Variants in PABIR3 observed in about 807,000 individuals in gnomAD.
The protein encoded by PABIR3 is PABIR family member 3, also known as PABIR family member 1.
In PABIR3, 20 loss-of-function variants were observed where a neutral mutation model predicts 23.1. The observed-to-expected ratio is 0.86, with a 90% confidence interval of 0.61 to 1.26. The LOEUF (loss-of-function observed/expected upper bound fraction) is 1.26. Ranked by LOEUF, PABIR3 falls within the 50% of genes most tolerant of loss-of-function variation. The pLI is 0.00. For missense variants in PABIR3, 189 were observed against 195.4 expected (o/e 0.97, Z 0.20); for synonymous variants, 69 against 68.5 (o/e 1.01, Z -0.04).
chrX:134,857,211 C>CA (rs1303222434), downstream of PABIR3, among the ~76,000 whole-genome samples: 2 of 111,448 alleles, frequency 1.8e-5, no homozygotes, highest in Non-Finnish European at 3.8e-5. Context: ...ATCAAGGAGT[C>CA]ACCTGGGTTG....
intron 4 of PABIR3, among the ~76,000 whole-genome samples, chrX:134,833,883 T>C (rs2081891334): frequency 8.9e-6 from 1 of 112,295 alleles, no homozygotes; most frequent in Admixed American, 9.5e-5. Flanking sequence ...TTCCATGGTG[T>C]ATATGTACCA....
At chrX:134,811,576 C>T (rs759915438) in intron 2 of PABIR3, among the ~76,000 whole-genome samples, 1 of 110,163 alleles carries the variant, frequency 9.1e-6, no homozygotes, top group Non-Finnish European at 1.9e-5. Flanking sequence ...TTAGTAGAGA[C>T]GGGTTTCACT....
intron 1 of PABIR3, among the ~76,000 whole-genome samples, chrX:134,801,874 G>C (rs1412062130): frequency 9.2e-6 from 1 of 108,220 alleles, no homozygotes; most frequent in African/African-American, 3.4e-5. Context: ...TTTAATCTGA[G>C]GGTTACATTT....
chrX:134,848,305 G>A (rs1273019547), intron 8 of PABIR3, among the ~76,000 whole-genome samples: 5 of 108,882 alleles, frequency 4.6e-5, no homozygotes, highest in African/African-American at 1.0e-4. Context: ...CAGGAGAATC[G>A]TTTGAACCCA....
chrX:134,825,500 T>G (rs1221327786), intron 3 of PABIR3, among the ~76,000 whole-genome samples: 2 of 112,149 alleles, frequency 1.8e-5, no homozygotes, highest in Non-Finnish European at 3.8e-5. Flanking sequence ...TGTATCCCTT[T>G]AATATAAGTT....
In PABIR3 at chrX:134,832,394, CTTTTTTTTTTTTTTTTTT is replaced by C. The variant is rs1162024470; in HGVS notation, c.246+3122_246+3139del. ...CATGTTGCTACAAACGACTGGATCCCTTTTTTTTTTTTTTTTTTTTTTTTTTTGAGACAGTCTTGCTCT... is the reference window on the plus strand; with the variant it reads ...CATGTTGCTACAAACGACTGGATCCCTTTTTTTTTGAGACAGTCTTGCTCT... On this transcript the variant is annotated intron_variant, in intron 4 of 10. Transcript: ENST00000645433. Among the ~76,000 whole-genome samples the C allele has an allele frequency of 5.2e-5, 4 of 77,024 alleles. No homozygotes were observed. In the South Asian group the frequency reaches 2.3e-3, roughly 44 times the overall value. The allele number at this position is 77,024 out of a possible 115,157, so 66.9% of individuals were successfully genotyped here.
At chrX:134,806,275 A>AT (rs1056143580), upstream of PABIR3, among the ~76,000 whole-genome samples, 2 of 112,195 alleles carry the variant, frequency 1.8e-5, no homozygotes, top group African/African-American at 3.2e-5. Flanking sequence ...TGAGGTCTTT[A>AT]TTTTTTATAT....
At chrX:134,822,088 C>T in intron 3 of PABIR3, 1 of 754,182 alleles carries the variant, frequency 1.3e-6, no homozygotes. Context: ...GCTACTTCTA[C>T]TCCCAGCCAC....
At chrX:134,801,712 A>T (rs1373008362) in intron 1 of PABIR3, among the ~76,000 whole-genome samples, 1 of 112,108 alleles carries the variant, frequency 8.9e-6, no homozygotes, top group Non-Finnish European at 1.9e-5. Context: ...AGCAGCCAAC[A>T]GTTGAGCCTG....
chrX:134,838,347 T>C (rs1266148877), intron 4 of PABIR3, among the ~76,000 whole-genome samples: 1 of 109,077 alleles, frequency 9.2e-6, no homozygotes, highest in East Asian at 2.9e-4. Flanking sequence ...AGAGTCTCGC[T>C]CTGTCGCCCA....
At chrX:134,797,798 G>A (rs1472842540) in intron 1 of PABIR3, among the ~76,000 whole-genome samples, 1 of 107,758 alleles carries the variant, frequency 9.3e-6, no homozygotes, top group Non-Finnish European at 1.9e-5. Context: ...CCTCAGCGTG[G>A]GTGAGATCTG....
intron 3 of PABIR3, chrX:134,822,104 C>A (rs1237292143): frequency 1.2e-5 from 9 of 752,085 alleles, no homozygotes; most frequent in Non-Finnish European, 1.4e-5. Flanking sequence ...GCCACCTTCA[C>A]ACCATGACAT....
intron 2 of PABIR3, chrX:134,809,799 A>G: frequency 1.3e-6 from 1 of 753,880 alleles, no homozygotes; most frequent in Non-Finnish European, 1.6e-6. Context: ...TCTGGCCACT[A>G]CTAACCAATA....
chrX:134,824,123 AGCCTG>A (rs2081407385), intron 3 of PABIR3, among the ~76,000 whole-genome samples: 1 of 111,957 alleles, frequency 8.9e-6, no homozygotes, highest in Non-Finnish European at 1.9e-5. Context: ...ATATGGCAAC[AGCCTG>A]AATGTCTAAC....
Position 134,854,113 on chromosome X carries a change from G to A in PABIR3, c.709G>A (p.Gly237Arg). ...TAGTCTACTTCCAGCTACTTTTGATGGAAACGACAGCAATGCTGGATCTTC... is the reference window on the plus strand; with the variant it reads ...TAGTCTACTTCCAGCTACTTTTGATAGAAACGACAGCAATGCTGGATCTTC... ...NVYLLPATFD[G>R]NDSNAGSSGN... The change falls in exon 11 of 11, where the codon GGA (glycine) becomes AGA (arginine). Residue 237 changes from glycine (G) to arginine (R), a missense_variant. Coordinates refer to ENST00000645433, the MANE Select transcript of PABIR3 (RefSeq NM_001388447.1). 1 of 1,210,488 alleles carries A rather than the reference G, an allele frequency of 8.3e-7. No individual in the cohort carries two copies. Among genetic ancestry groups the A allele is most frequent in the Non-Finnish European group, 1.1e-6 (1 of 894,997 alleles).
At chrX:134,811,114 T>A in intron 2 of PABIR3, 1 of 739,723 alleles carries the variant, frequency 1.4e-6, no homozygotes, top group Non-Finnish European at 1.6e-6. Context: ...TAATACAGTA[T>A]TACTGTTTTA....
At chrX:134,818,928 T>G (rs909619470) in intron 3 of PABIR3, among the ~76,000 whole-genome samples, 2 of 106,040 alleles carry the variant, frequency 1.9e-5, no homozygotes, top group African/African-American at 6.9e-5. Flanking sequence ...AGGATATTTT[T>G]TCTTTCTTTT....
At chrX:134,856,503 T>C (rs778963424), downstream of PABIR3, among the ~76,000 whole-genome samples, 15 of 110,757 alleles carry the variant, frequency 1.4e-4, no homozygotes, top group African/African-American at 4.6e-4. Flanking sequence ...AGTTAGTTTT[T>C]ATTCAGTTAG....
intron 4 of PABIR3, among the ~76,000 whole-genome samples, chrX:134,838,325 T>A (rs771011448): frequency 8.1e-5 from 9 of 111,046 alleles, no homozygotes; most frequent in Admixed American, 1.9e-4. Context: ...AAATGTTTTT[T>A]TTTTTTGGAA....
Sources: gnomAD v4.1 joint callset for allele counts (sites outside exome capture counted in the v4.1 genomes callset) on GRCh38, gnomAD v4.1.1 for gene constraint, MANE v1.5 for transcripts, NCBI Gene and HGNC (gene_info 2026-07-23, HGNC 2026-07-21) for gene names.